MARCHF1: variants seen among roughly 807,000 people sequenced by gnomAD.
MARCHF1 encodes the protein E3 ubiquitin-protein ligase MARCHF1.
A neutral mutation model predicts 54.2 loss-of-function variants in MARCHF1; 40 were observed. The ratio of observed to expected loss-of-function variants is 0.74; its 90% CI spans 0.57 to 0.96. MARCHF1 has a LOEUF of 0.96. Among genes scored for constraint, MARCHF1 ranks in the 40% least tolerant of loss-of-function variants. The pLI, the probability that MARCHF1 is intolerant of heterozygous loss-of-function variation, is 0.00. For missense variants in MARCHF1, 586 were observed against 656.5 expected (o/e 0.89, Z 1.17); for synonymous variants, 236 against 236.3 (o/e 1.00, Z 0.01).
chr4:163,916,874 T>G (rs1292701553), intron 3 of MARCHF1, among the ~76,000 whole-genome samples: 1 of 152,074 alleles, frequency 6.6e-6, no homozygotes, highest in Non-Finnish European at 1.5e-5. Context: ...AGCCTGTGGT[T>G]TATATCAAGG....
At chr4:163,880,147 A>C (rs1488580605) in intron 3 of MARCHF1, among the ~76,000 whole-genome samples, 1 of 151,850 alleles carries the variant, frequency 6.6e-6, no homozygotes, top group African/African-American at 2.4e-5. Context: ...TCTTACTCTT[A>C]AATTTACATA....
intron 3 of MARCHF1, among the ~76,000 whole-genome samples, chr4:163,879,999 C>T (rs1360142293): frequency 6.6e-6 from 1 of 151,824 alleles, no homozygotes; most frequent in Non-Finnish European, 1.5e-5. Flanking sequence ...CCCATGATGG[C>T]TAAGAAAAAG....
chr4:164,197,136 C>T (rs1731289128), intron 1 of MARCHF1: 7 of 1,212,700 alleles, frequency 5.8e-6, no homozygotes, highest in Non-Finnish European at 7.8e-6. Flanking sequence ...CTTCACCTTC[C>T]TCCTCCTCCT....
intron 4 of MARCHF1, among the ~76,000 whole-genome samples, chr4:163,745,849 A>G (rs1363056819): frequency 1.3e-5 from 2 of 152,148 alleles, no homozygotes; most frequent in Admixed American, 6.6e-5. Flanking sequence ...TAAAAAAAAA[A>G]AGAGACTTTA....
At chr4:163,647,666 A>G (rs933499365) in intron 5 of MARCHF1, among the ~76,000 whole-genome samples, 1 of 151,924 alleles carries the variant, frequency 6.6e-6, no homozygotes, top group African/African-American at 2.4e-5. Flanking sequence ...ACAACCAATG[A>G]GTGAAGGAAG....
At chr4:163,817,336 T>C (rs563935716) in intron 4 of MARCHF1, among the ~76,000 whole-genome samples, 1 of 149,732 alleles carries the variant, frequency 6.7e-6, no homozygotes, top group African/African-American at 2.4e-5. Context: ...CATATACATA[T>C]ATATGTACAT....
At chr4:163,809,202 G>A (rs1265457606) in intron 4 of MARCHF1, among the ~76,000 whole-genome samples, 1 of 151,996 alleles carries the variant, frequency 6.6e-6, no homozygotes. Context: ...ATATTCCCTG[G>A]GAAGTTTTAA....
intron 2 of MARCHF1, among the ~76,000 whole-genome samples, chr4:164,074,198 C>A (rs1384602159): frequency 6.6e-6 from 1 of 152,214 alleles, no homozygotes; most frequent in African/African-American, 2.4e-5. Flanking sequence ...AACCTGTAAT[C>A]AGGGGATACC....
intron 1 of MARCHF1, among the ~76,000 whole-genome samples, chr4:164,236,573 G>T (rs2111194823): frequency 6.6e-6 from 1 of 152,198 alleles, no homozygotes. Context: ...CATGAGATCT[G>T]AAATAAGAGG....
chr4:164,279,445 A>G (rs1213015005), intron 1 of MARCHF1, among the ~76,000 whole-genome samples: 1 of 151,572 alleles, frequency 6.6e-6, no homozygotes, highest in Non-Finnish European at 1.5e-5. Context: ...TGTTGCCTAC[A>G]TATATGACAT....
intron 1 of MARCHF1, among the ~76,000 whole-genome samples, chr4:164,341,220 T>C (rs1364160696): frequency 6.6e-6 from 1 of 150,814 alleles, no homozygotes; most frequent in Non-Finnish European, 1.5e-5. Flanking sequence ...AGAAGTAACA[T>C]ACCTCAGCAC....
intron 8 of MARCHF1, among the ~76,000 whole-genome samples, chr4:163,549,866 T>A (rs1201314626): frequency 6.6e-6 from 1 of 152,202 alleles, no homozygotes; most frequent in Non-Finnish European, 1.5e-5. Flanking sequence ...AGGGTCAGGT[T>A]TTCTAATTCA....
At chr4:163,700,133 G>C (rs1420309154) in intron 5 of MARCHF1, among the ~76,000 whole-genome samples, 1 of 152,028 alleles carries the variant, frequency 6.6e-6, no homozygotes, top group Non-Finnish European at 1.5e-5. Context: ...CATGAATGTT[G>C]ATATAGTTTC....
In MARCHF1 at chr4:163,527,865, TATA is replaced by T. The variant is rs1185661447; in HGVS notation, c.*880_*882del. The T allele has an allele frequency of 5.9e-5, 9 of 152,154 alleles. No individual in the cohort carries two copies. The East Asian group carries it at 1.7e-3, about 29-fold the overall frequency. 9.4% of individuals were successfully genotyped at this position (152,154 alleles called of 1,614,324 possible). A position where few individuals can be genotyped will look rare whatever the true frequency, so the allele number is the denominator to read the frequency against. On this transcript the variant is annotated 3_prime_UTR_variant, in exon 10 of 10. Transcript: ENST00000514618. ...ATATTGATGACATGTTGAAATAACA[TATA>T]GTGTTTTTAAAAAATCAAAATTCAT...
At chr4:163,862,492 A>C (rs1198673315) in intron 3 of MARCHF1, among the ~76,000 whole-genome samples, 1 of 152,108 alleles carries the variant, frequency 6.6e-6, no homozygotes, top group Non-Finnish European at 1.5e-5. Flanking sequence ...ATTGCAAATT[A>C]AAACAACGAG....
intron 3 of MARCHF1, among the ~76,000 whole-genome samples, chr4:163,974,046 C>G (rs533596036): frequency 6.6e-6 from 1 of 152,178 alleles, no homozygotes. Flanking sequence ...GGAGAAAGCA[C>G]CACACTTTCT....
At chr4:163,786,870 T>C (rs921034707) in intron 4 of MARCHF1, among the ~76,000 whole-genome samples, 3 of 151,996 alleles carry the variant, frequency 2.0e-5, no homozygotes, top group Non-Finnish European at 4.4e-5. Context: ...TACAATGTGG[T>C]ACTGGCATAA....
At chr4:164,106,778 AT>A (rs1347433388) in intron 2 of MARCHF1, among the ~76,000 whole-genome samples, 2 of 134,346 alleles carry the variant, frequency 1.5e-5, no homozygotes, top group African/African-American at 7.5e-5. Context: ...AAAATAAAAA[AT>A]AAAAAAAAAA....
chr4:164,324,381 C>T (rs1735219008), intron 1 of MARCHF1, among the ~76,000 whole-genome samples: 1 of 151,674 alleles, frequency 6.6e-6, no homozygotes, highest in South Asian at 2.1e-4. Flanking sequence ...CAGGGAAACA[C>T]ACTATTATTG....
Sources: gnomAD v4.1 joint callset for allele counts (sites outside exome capture counted in the v4.1 genomes callset) on GRCh38, gnomAD v4.1.1 for gene constraint, MANE v1.5 for transcripts, NCBI Gene and HGNC (gene_info 2026-07-23, HGNC 2026-07-21) for gene names.